CUX1: variants seen among roughly 807,000 people sequenced by gnomAD.
CUX1 encodes the protein protein CASP.
Under a neutral mutation model 158.8 loss-of-function variants are expected in CUX1, and 31 were observed. That is an observed-to-expected ratio of 0.20 (90% CI 0.15 to 0.26). The LOEUF (loss-of-function observed/expected upper bound fraction) is 0.26, where lower values mean the gene tolerates loss of function less well. Among genes scored for constraint, CUX1 ranks in the 10% least tolerant of loss-of-function variants. The pLI, the probability that CUX1 is intolerant of heterozygous loss-of-function variation, is 1.00. For synonymous variants in CUX1, 879 were observed against 862.1 expected (o/e 1.02, Z -0.34); for missense variants, 1,589 against 2,014.6 (o/e 0.79, Z 4.04).
intron 21 of CUX1, chr7:102,281,945 G>A (rs1313998340): frequency 3.3e-6 from 5 of 1,533,410 alleles, no homozygotes; most frequent in South Asian, 1.1e-5. Flanking sequence ...GGGCGGGCCA[G>A]AGGCACATTC....
intron 21 of CUX1, among the ~76,000 whole-genome samples, chr7:102,227,927 C>G (rs1798513516): frequency 6.6e-6 from 1 of 151,632 alleles, no homozygotes; most frequent in Non-Finnish European, 1.5e-5. Context: ...TCGGGAGGAT[C>G]CACACAGACT....
chr7:102,204,043 A>G (rs1586199752), intron 18 of CUX1, among the ~76,000 whole-genome samples: 1 of 152,276 alleles, frequency 6.6e-6, no homozygotes, highest in African/African-American at 2.4e-5. Flanking sequence ...CCAAGTGAAG[A>G]GCAAGGTGCT....
chr7:102,104,490 G>T, intron 6 of CUX1, 31 bp downstream of exon 6: 1 of 1,605,810 alleles, frequency 6.2e-7, no homozygotes, highest in South Asian at 1.1e-5. Context: ...CACACAGACT[G>T]ACATAGCATT....
At chr7:102,235,671 C>T (rs927575603) in intron 22 of CUX1, among the ~76,000 whole-genome samples, 1 of 148,282 alleles carries the variant, frequency 6.7e-6, no homozygotes, top group Admixed American at 6.8e-5. Flanking sequence ...CACTGCACTC[C>T]AGCCTGGGCG....
At chr7:102,260,696 T>C (rs1345899906), downstream of CUX1, among the ~76,000 whole-genome samples, 4 of 150,996 alleles carry the variant, frequency 2.6e-5, no homozygotes, top group Admixed American at 6.7e-5. Flanking sequence ...AGTGCTGGGA[T>C]TACAGGCGTG....
At position 101,817,959 on chromosome 7, in the gene CUX1, C is replaced by A. The variant is rs1225474640; in HGVS notation, c.30+290C>A. Among the ~76,000 whole-genome samples the A allele has an allele frequency of 6.6e-6, 1 of 152,102 alleles. No homozygotes were observed. The highest frequency in any genetic ancestry group is 1.5e-5 in the Non-Finnish European group (1 of 68,026). Reference sequence around the variant, plus strand: ...AGATGCAGGCTTGTATCAAACGAAGCGGGTTGGATTAAAACATATTTAAAT... The same window carrying A: ...AGATGCAGGCTTGTATCAAACGAAGAGGGTTGGATTAAAACATATTTAAAT... On this transcript the variant is annotated intron_variant, in intron 1 of 23. Coordinates refer to ENST00000292535, the MANE Select transcript of CUX1 (RefSeq NM_181552.4). This position sits in a 1 kb window ranked among gnomAD's most constrained non-coding sequence, Gnocchi z 4.1.
At position 102,253,959 on chromosome 7, in the gene CUX1, A is replaced by G. The variant is rs781968636; in HGVS notation, c.*4917A>G. On this transcript the variant is annotated 3_prime_UTR_variant, in exon 24 of 24. Coordinates refer to ENST00000292535, the MANE Select transcript of CUX1 (RefSeq NM_181552.4). Reference sequence around the variant, plus strand: ...CTCACTAACCTGTCTTCTCCATCTGATGTCACCCAGAACCACACCCCACAG... The same window carrying G: ...CTCACTAACCTGTCTTCTCCATCTGGTGTCACCCAGAACCACACCCCACAG... 3.9e-5 allele frequency: 38 copies of G among 985,264 alleles called. No homozygotes were observed. Among genetic ancestry groups the G allele is most frequent in the Non-Finnish European group, 4.5e-5 (37 of 829,990 alleles). 61.0% of individuals were successfully genotyped at this position (985,264 alleles called of 1,614,324 possible).
intron 6 of CUX1, among the ~76,000 whole-genome samples, chr7:102,109,140 A>T (rs1286110159): frequency 6.6e-6 from 1 of 152,192 alleles, no homozygotes; most frequent in African/African-American, 2.4e-5. Context: ...TGTTTTTATT[A>T]ATATGACTAT....
intron 4 of CUX1, among the ~76,000 whole-genome samples, chr7:102,076,251 G>C (rs1207216706): frequency 2.6e-5 from 4 of 152,114 alleles, no homozygotes; most frequent in Non-Finnish European, 5.9e-5. Flanking sequence ...TGGGCGTGGT[G>C]GTGGGCACCT....
intron 1 of CUX1, among the ~76,000 whole-genome samples, chr7:101,911,698 C>T (rs1273936390): frequency 6.6e-6 from 1 of 152,196 alleles, no homozygotes; most frequent in Non-Finnish European, 1.5e-5. Context: ...GGTGGGGCTC[C>T]TGTTGGTGAC....
At chr7:102,142,618 C>CATCTAT (rs1554500701) in intron 8 of CUX1, among the ~76,000 whole-genome samples, 8 of 150,324 alleles carry the variant, frequency 5.3e-5, no homozygotes, top group African/African-American at 1.2e-4. Context: ...GAGCAAGACC[C>CATCTAT]TGTCTCTACA....
chr7:102,053,057 G>A (rs1255937320), intron 3 of CUX1, among the ~76,000 whole-genome samples: 8 of 152,224 alleles, frequency 5.3e-5, no homozygotes, highest in Middle Eastern at 6.8e-3. Context: ...TGATCTGCCC[G>A]CCTCGGCCTC....
chr7:102,048,000 C>A (rs1346278197), intron 3 of CUX1, among the ~76,000 whole-genome samples: 1 of 152,036 alleles, frequency 6.6e-6, no homozygotes, highest in Admixed American at 6.6e-5. Flanking sequence ...GTCCCTCCCC[C>A]AGTCTTTTTC....
At chr7:102,100,205 G>A (rs1273680073) in intron 5 of CUX1, among the ~76,000 whole-genome samples, 5 of 152,146 alleles carry the variant, frequency 3.3e-5, no homozygotes, top group Non-Finnish European at 7.3e-5. Context: ...TTGAACCTGG[G>A]AGGTGGAGGT....
At chr7:101,870,657 T>G (rs1332318520) in intron 1 of CUX1, among the ~76,000 whole-genome samples, 1 of 152,120 alleles carries the variant, frequency 6.6e-6, no homozygotes, top group Non-Finnish European at 1.5e-5. Context: ...ACCTCAAGAG[T>G]CTGAATTTAC....
At chr7:102,170,664 C>T (rs2131687604) in intron 10 of CUX1, 114 bp downstream of exon 10, 1 of 692,906 alleles carries the variant, frequency 1.4e-6, no homozygotes, top group Non-Finnish European at 2.4e-6. Flanking sequence ...CACGTTTTAA[C>T]TAGTACTGCT....
intron 23 of CUX1, among the ~76,000 whole-genome samples, chr7:102,245,728 T>C (rs1434250149): frequency 6.6e-6 from 1 of 152,156 alleles, no homozygotes; most frequent in African/African-American, 2.4e-5. Flanking sequence ...TCCCAGCACT[T>C]TGGGAGGCCA....
At chr7:102,091,406 C>T (rs1828567895) in intron 4 of CUX1, among the ~76,000 whole-genome samples, 2 of 152,138 alleles carry the variant, frequency 1.3e-5, no homozygotes, top group South Asian at 4.1e-4. Context: ...TCATAGTTCA[C>T]TGCAGCCTCT....
rs1449026753 is a variant in CUX1 at position 102,056,355 on chromosome 7, C to T, written c.190-13984C>T. Among the ~76,000 whole-genome samples the T allele has an allele frequency of 4.6e-5, 7 of 152,126 alleles. No individual in the cohort carries two copies. In the East Asian group the frequency reaches 5.8e-4, roughly 13 times the overall value. On this transcript the variant is annotated intron_variant, in intron 3 of 23. Coordinates refer to ENST00000292535, the MANE Select transcript of CUX1 (RefSeq NM_181552.4). ...GTCTTTAAAGCTTCCAAATGCAGGC[C>T]GACTCTCGTTAGGGGATAATGCAGC... is the stretch of plus-strand genomic sequence containing the variant.
Sources: gnomAD v4.1 joint callset for allele counts (sites outside exome capture counted in the v4.1 genomes callset) on GRCh38, gnomAD v4.1.1 for gene constraint, Gnocchi (gnomAD v3.1) non-coding constraint, MANE v1.5 for transcripts, NCBI Gene and HGNC (gene_info 2026-07-23, HGNC 2026-07-21) for gene names.